The following POLR3E variants were observed in gnomAD, a reference collection of about 807,000 sequenced individuals.
POLR3E encodes DNA-directed RNA polymerase III subunit RPC5.
In POLR3E, 41 loss-of-function variants were observed where a neutral mutation model predicts 96.6. That is an observed-to-expected ratio of 0.42 (90% CI 0.33 to 0.55). POLR3E has a LOEUF of 0.55. Among genes scored for constraint, POLR3E ranks in the 20% least tolerant of loss-of-function variants. POLR3E has a pLI of 0.06. For missense variants in POLR3E, 849 were observed against 952.1 expected (o/e 0.89, Z 1.43); for synonymous variants, 396 against 383.6 (o/e 1.03, Z -0.38).
At chr16:22,316,949 C>G in intron 10 of POLR3E, 46 bp from the exon 11 acceptor site, 1 of 1,605,152 alleles carries the variant, frequency 6.2e-7, no homozygotes, top group East Asian at 2.2e-5. Context: ...GAGGAGGGTC[C>G]AGCCTGGATC....
chr16:22,316,724 G>T (rs769081612), intron 10 of POLR3E, 38 bp downstream of exon 10: 1 of 1,535,962 alleles, frequency 6.5e-7, no homozygotes, highest in Admixed American at 1.7e-5. Context: ...CTGGATGCCT[G>T]CCCAGGGTCC....
intron 4 of POLR3E, 25 bp downstream of exon 4, chr16:22,308,250 T>TG: frequency 6.3e-7 from 1 of 1,582,934 alleles, no homozygotes; most frequent in South Asian, 1.1e-5. Flanking sequence ...TGAGGGCAGT[T>TG]GGGGCCGAAA....
intron 8 of POLR3E, 141 bp downstream of exon 8, chr16:22,314,269 G>A (rs2048310716): frequency 2.9e-6 from 2 of 681,610 alleles, no homozygotes; most frequent in South Asian, 3.2e-5. Flanking sequence ...CTACCTGGAG[G>A]GAACAACCTG....
intron 16 of POLR3E, 110 bp downstream of exon 16, chr16:22,324,770 G>A: frequency 1.6e-6 from 2 of 1,240,000 alleles, no homozygotes; most frequent in South Asian, 2.5e-5. Flanking sequence ...CACATCTGGG[G>A]AGAGCGCAGT....
chr16:22,326,534 G>A, intron 18 of POLR3E: 1 of 561,730 alleles, frequency 1.8e-6, no homozygotes, highest in Non-Finnish European at 3.2e-6. Flanking sequence ...CTGGCCTGCA[G>A]CAGGGCCTAG....
chr16:22,321,412 CGCCCTTGCACTGCTCCACAGGT>C (rs965370851), intron 13 of POLR3E, among the ~76,000 whole-genome samples: 2 of 152,344 alleles, frequency 1.3e-5, no homozygotes, highest in African/African-American at 4.8e-5. Flanking sequence ...CACCTGGTGG[CGCCCTTGCACTGCTCCACAGGT>C]GCCCAGCGCA....
Position 22,324,516 on chromosome 16 carries a change from A to T in POLR3E, c.1142A>T (p.Asp381Val). 6.2e-7 allele frequency: 1 copy of T among 1,611,348 alleles called. No homozygotes were observed. The highest frequency in any genetic ancestry group is 8.5e-7 in the Non-Finnish European group (1 of 1,178,862). Reference protein sequence around the residue: ...VATVTKLCAEDVKDFLEHMAV... With the variant: ...VATVTKLCAEVVKDFLEHMAV... ...CCTCCCCTCCAGCTCTGCGCCGAGG[A>T]TGTGAAGGACTTCCTGGAGCACATG... Residue 381 changes from aspartate (D) to valine (V), a missense_variant, in exon 16 of 21, where the codon GAT becomes GTT. Coordinates refer to ENST00000299853, the MANE Select transcript of POLR3E (RefSeq NM_018119.4).
In POLR3E at chr16:22,303,639, C is replaced by CTTTTTTTTTTTTTTTT. The variant is rs58949663; in HGVS notation, c.36+638_36+653dup. Reference sequence around the variant, plus strand: ...TACAGGCAGTGGGAGGCAGATTTCCCTTTTTTTTTTTTTTTTTTGGAGACA... The same window carrying CTTTTTTTTTTTTTTTT: ...TACAGGCAGTGGGAGGCAGATTTCCCTTTTTTTTTTTTTTTTTTTTTTTTTTTTTTTTTTGGAGACA... On this transcript the variant is annotated intron_variant, in intron 2 of 20. Transcript: ENST00000299853. Among the ~76,000 whole-genome samples the CTTTTTTTTTTTTTTTT allele has an allele frequency of 1.8e-3, 211 of 114,190 alleles. 4 individuals carry two copies. The highest frequency in any genetic ancestry group is 2.7e-3 in the Non-Finnish European group (164 of 61,066). 74.9% of individuals were successfully genotyped at this position (114,190 alleles called of 152,430 possible).
rs772650478 is a variant in POLR3E, at chr16:22,325,942, G to A, written c.1530G>A (p.Glu510=). The part of the protein sequence containing the change: ...EPVSEEGEED[E]EQEAEEEPMD... The stretch of plus-strand genomic sequence containing the variant: ...TGAGCGAGGAGGGCGAGGAGGACGA[G>A]GAGCAGGAGGCGGAGGAGGAGCCCA... The change falls in exon 18 of 21, where the codon GAG becomes GAA. Residue 510 remains glutamate (E), a synonymous_variant. Coordinates refer to ENST00000299853, the MANE Select transcript of POLR3E (RefSeq NM_018119.4). 8.2e-6 allele frequency: 13 copies of A among 1,593,818 alleles called. No individual in the cohort carries two copies. The highest frequency in any genetic ancestry group is 7.9e-5 in the South Asian group (7 of 89,132).
rs565221266 is a variant in POLR3E, at chr16:22,309,626, TG to T, written c.364+121del. On this transcript the variant is annotated intron_variant, in intron 6 of 20. Transcript: ENST00000299853. ...ACCTGCCCTGAAAGCTAGACACCTG[TG>T]GGGGCCGGGCAGGTGTGGAAATAAC... 2.6e-3 allele frequency: 2,061 copies of T among 798,000 alleles called. 25 individuals carry two copies. Among genetic ancestry groups the T allele is most frequent in the South Asian group, 0.014 (1,026 of 73,202 alleles). The allele number at this position is 798,000 out of a possible 1,614,324, so 49.4% of individuals were successfully genotyped here.
In POLR3E at chr16:22,333,692, C is replaced by T. The variant is rs768860071; in HGVS notation, c.2119C>T (p.Gln707Ter). Residue 707 changes from glutamine (Q) to a stop codon, truncating the protein, a stop_gained, in exon 21 of 21, where the codon CAG becomes TAG. Transcript: ENST00000299853. LOFTEE classifies it high-confidence loss of function. ...GGMWYLKGTV[Q>*]S ...CATGTGGTACCTTAAAGGGACAGTA[C>T]AGTCTTGACAATAGTAGCAAACTAC... The T allele has an allele frequency of 1.9e-6, 3 of 1,606,942 alleles. No individual in the cohort carries two copies. In the Admixed American group the frequency reaches 5.0e-5, roughly 27 times the overall value.
rs371065525 is a variant in POLR3E at position 22,333,711 on chromosome 16, A to G, written c.*11A>G. On this transcript the variant is annotated 3_prime_UTR_variant, in exon 21 of 21. Coordinates refer to ENST00000299853, the MANE Select transcript of POLR3E (RefSeq NM_018119.4). Reference sequence around the variant, plus strand: ...ACAGTACAGTCTTGACAATAGTAGCAAACTACTAACCCAGCAAATCTAAGC... The same window carrying G: ...ACAGTACAGTCTTGACAATAGTAGCGAACTACTAACCCAGCAAATCTAAGC... The G allele has an allele frequency of 2.5e-6, 4 of 1,589,730 alleles. No individual in the cohort carries two copies. The highest frequency in any genetic ancestry group is 2.7e-5 in the African/African-American group (2 of 74,448).
rs980507746 is a variant in POLR3E at position 22,298,882 on chromosome 16, AT to A, written c.-39+1355del. 3.4e-3 allele frequency: 1,368 copies of A among 401,382 alleles called. 2 individuals carry two copies. The highest frequency in any genetic ancestry group is 7.2e-3 in the South Asian group (396 of 55,024). The allele number at this position is 401,382 out of a possible 1,614,324, so 24.9% of individuals were successfully genotyped here. The stretch of plus-strand genomic sequence containing the variant: ...TAGGTATTGAGAGAACCAGCACTGG[AT>A]TTTTTTTTTAAAGTAATGCTCCCCA... On this transcript the variant is annotated intron_variant, in intron 1 of 20. Coordinates refer to ENST00000299853, the MANE Select transcript of POLR3E (RefSeq NM_018119.4).
At position 22,334,559 on chromosome 16, in the gene POLR3E, AAG is replaced by A. The variant is rs1306660091; in HGVS notation, c.*862_*863del. ...AGACAGAGCAGCACTGTCCACTAGA[AAG>A]AGGCGAGTCACGTACATAATTTTGA... On this transcript the variant is annotated 3_prime_UTR_variant, in exon 21 of 21. Transcript: ENST00000299853. 1 of 152,242 alleles carries A rather than the reference AAG, an allele frequency of 6.6e-6. No homozygotes were observed. Among genetic ancestry groups the A allele is most frequent in the African/African-American group, 2.4e-5 (1 of 41,456 alleles). The allele number at this position is 152,242 out of a possible 1,614,324, so 9.4% of individuals were successfully genotyped here.
intron 8 of POLR3E, among the ~76,000 whole-genome samples, chr16:22,314,683 C>T (rs534298327): frequency 1.1e-4 from 16 of 152,212 alleles, no homozygotes; most frequent in Middle Eastern, 3.4e-3. Context: ...CCTTGAGGAC[C>T]GGGGAACACG....
At chr16:22,299,666 G>A (rs904484742) in intron 1 of POLR3E, among the ~76,000 whole-genome samples, 4 of 151,800 alleles carry the variant, frequency 2.6e-5, no homozygotes, top group African/African-American at 7.3e-5. Context: ...CGCCTGCCTC[G>A]GCCTCCCAAA....
chr16:22,328,506 T>C lies in POLR3E; in HGVS notation c.1867-4T>C. ...CAAGCAACTCACCCCTGGGCCTTGGTCAGTTTCCCCCCCAGACTGCTGCTT... is the reference window on the plus strand; with the variant it reads ...CAAGCAACTCACCCCTGGGCCTTGGCCAGTTTCCCCCCCAGACTGCTGCTT... On this transcript the variant is annotated splice_region_variant and splice_polypyrimidine_tract_variant and intron_variant, in intron 18 of 20. Transcript: ENST00000299853. The C allele has an allele frequency of 6.2e-7, 1 of 1,613,744 alleles. No individual in the cohort carries two copies. Among genetic ancestry groups the C allele is most frequent in the South Asian group, 1.1e-5 (1 of 91,068 alleles).
intron 13 of POLR3E, among the ~76,000 whole-genome samples, chr16:22,320,308 C>G (rs2048443335): frequency 1.3e-5 from 2 of 152,060 alleles, no homozygotes; most frequent in African/African-American, 4.8e-5. Context: ...CTTGCCCAGG[C>G]TGGGGTGCAG....
chr16:22,305,277 G>A (rs1398111251), intron 3 of POLR3E, 71 bp downstream of exon 3: 1 of 1,116,036 alleles, frequency 9.0e-7, no homozygotes, highest in Non-Finnish European at 1.4e-6. Flanking sequence ...CAGGAACACG[G>A]GCAGGAAACG....
Sources: gnomAD v4.1 joint callset for allele counts (sites outside exome capture counted in the v4.1 genomes callset) on GRCh38, gnomAD v4.1.1 for gene constraint, MANE v1.5 for transcripts, NCBI Gene and HGNC (gene_info 2026-07-23, HGNC 2026-07-21) for gene names.